The following TNRC6B variants were observed in gnomAD, a reference collection of about 807,000 sequenced individuals.
TNRC6B encodes the protein trinucleotide repeat-containing gene 6B protein.
TNRC6B carries 52 observed loss-of-function variants against 203.6 expected under a neutral mutation model. The ratio of observed to expected loss-of-function variants is 0.26; its 90% CI spans 0.20 to 0.32. The LOEUF (loss-of-function observed/expected upper bound fraction) is 0.32, where lower values mean the gene tolerates loss of function less well. TNRC6B is among the 10% of genes least tolerant of loss of function. The pLI is 1.00. For missense variants in TNRC6B, 1,923 were observed against 2,286.2 expected (o/e 0.84, Z 3.24); for synonymous variants, 838 against 845.7 (o/e 0.99, Z 0.16).
chr22:40,165,257 G>T (rs1182697444), intron 4 of TNRC6B, among the ~76,000 whole-genome samples: 1 of 151,976 alleles, frequency 6.6e-6, no homozygotes, highest in Non-Finnish European at 1.5e-5. Flanking sequence ...GCTTATTGCA[G>T]CCTCCACCTC....
In TNRC6B at chr22:40,263,035, G is replaced by A. The variant is rs201309108; in HGVS notation, c.457+862G>A. Among the ~76,000 whole-genome samples, 12 of 129,404 alleles carry A rather than the reference G, an allele frequency of 9.3e-5. No homozygotes were observed. The East Asian group carries it at 2.6e-3, about 28-fold the overall frequency. The allele number at this position is 129,404 out of a possible 152,430, so 84.9% of individuals were successfully genotyped here. ...AGCCTGGGTGACAGAGCCAGACTCCGTCTTAAAAAAAAAAAAAAAAAAGTT... is the reference window on the plus strand; with the variant it reads ...AGCCTGGGTGACAGAGCCAGACTCCATCTTAAAAAAAAAAAAAAAAAAGTT... On this transcript the variant is annotated intron_variant, in intron 4 of 22. Transcript: ENST00000454349.
At chr22:40,282,826 C>T (rs1221168108) in intron 11 of TNRC6B, among the ~76,000 whole-genome samples, 1 of 151,978 alleles carries the variant, frequency 6.6e-6, no homozygotes, top group Non-Finnish European at 1.5e-5. Flanking sequence ...TTCCAAATCA[C>T]AGATTTTGGT....
chr22:40,049,849 C>G (rs2067730671), intron 1 of TNRC6B, among the ~76,000 whole-genome samples: 1 of 152,130 alleles, frequency 6.6e-6, no homozygotes, highest in African/African-American at 2.4e-5. Context: ...GGTGATCTGC[C>G]CACCTCAGCC....
At chr22:40,318,551 A>G (rs1202978080) in intron 21 of TNRC6B, among the ~76,000 whole-genome samples, 1 of 151,842 alleles carries the variant, frequency 6.6e-6, no homozygotes, top group Non-Finnish European at 1.5e-5. Flanking sequence ...CATCTCAGAG[A>G]AAAAAAAATT....
intron 1 of TNRC6B, among the ~76,000 whole-genome samples, chr22:40,220,095 G>A (rs757231124): frequency 4.6e-5 from 7 of 152,130 alleles, no homozygotes; most frequent in East Asian, 1.9e-4. Flanking sequence ...CTTGAGAATC[G>A]CTGCGGTAGT....
chr22:40,246,111 A>G lies in TNRC6B; in HGVS notation c.93+9A>G. On this transcript the variant is annotated intron_variant, in intron 2 of 22. Transcript: ENST00000454349. ...AAGAAGCCACTCAGAAGGTAGGTTT[A>G]ATCAGTTAAGTCTGTCTTTTTATCT... 1 of 1,543,258 alleles carries G rather than the reference A, an allele frequency of 6.5e-7. No individual in the cohort carries two copies. Among genetic ancestry groups the G allele is most frequent in the Non-Finnish European group, 8.7e-7 (1 of 1,143,202 alleles).
intron 14 of TNRC6B, 38 bp downstream of exon 14, chr22:40,301,043 G>A: frequency 4.4e-6 from 7 of 1,597,752 alleles, no homozygotes; most frequent in Non-Finnish European, 6.0e-6. Flanking sequence ...TGCTGTGTTG[G>A]AGGAGTACAT....
intron 1 of TNRC6B, among the ~76,000 whole-genome samples, chr22:40,224,708 T>C (rs1368276599): frequency 6.6e-6 from 1 of 152,232 alleles, no homozygotes; most frequent in Middle Eastern, 3.2e-3. Flanking sequence ...CTTCCCAGCT[T>C]TCTTCTTTCT....
rs1042576072 is a variant in TNRC6B, at chr22:40,300,395, T to G, written c.3709-60T>G. Reference sequence around the variant, plus strand: ...AGATTCTTTTCACAGAAAAACAGTTTTATTTTGATAAATTCTGAAGATTCC... The same window carrying G: ...AGATTCTTTTCACAGAAAAACAGTTGTATTTTGATAAATTCTGAAGATTCC... On this transcript the variant is annotated intron_variant, in intron 12 of 22. Coordinates refer to ENST00000454349, the MANE Select transcript of TNRC6B (RefSeq NM_001162501.2). The G allele has an allele frequency of 2.5e-5, 36 of 1,442,498 alleles. No homozygotes were observed. In the African/African-American group the frequency reaches 5.1e-4, roughly 20 times the overall value. The allele number at this position is 1,442,498 out of a possible 1,614,324, so 89.4% of individuals were successfully genotyped here.
chr22:40,293,554 G>A (rs949279135), intron 12 of TNRC6B, among the ~76,000 whole-genome samples: 3 of 151,672 alleles, frequency 2.0e-5, no homozygotes, highest in Non-Finnish European at 4.4e-5. Flanking sequence ...GCTGGGTCAC[G>A]GGCAGGTTTT....
At chr22:40,188,685 A>G (rs537162172) in intron 1 of TNRC6B, among the ~76,000 whole-genome samples, 12 of 152,160 alleles carry the variant, frequency 7.9e-5, no homozygotes, top group African/African-American at 2.9e-4. Context: ...AGAAGTTCCC[A>G]TTTATAAACT....
chr22:40,120,335 CA>C (rs11429406), intron 2 of TNRC6B, among the ~76,000 whole-genome samples: 2,795 of 118,126 alleles, frequency 0.024, 14 homozygotes, highest in Non-Finnish European at 0.027. Context: ...GACCCTGTCT[CA>C]AAAAAAAAAA....
intron 1 of TNRC6B, among the ~76,000 whole-genome samples, chr22:40,212,782 G>A (rs2146423583): frequency 6.6e-6 from 1 of 152,206 alleles, no homozygotes; most frequent in East Asian, 1.9e-4. Flanking sequence ...CCGAGTACCT[G>A]GGATTAATAG....
chr22:40,300,888 G>C (rs1385195189), intron 13 of TNRC6B, 22 bp from the exon 14 acceptor site: 1 of 1,609,366 alleles, frequency 6.2e-7, no homozygotes, highest in Non-Finnish European at 8.5e-7. Context: ...TTGGTTTTCT[G>C]TCTTTCCCCC....
intron 15 of TNRC6B, among the ~76,000 whole-genome samples, chr22:40,303,140 C>T (rs2071047417): frequency 6.7e-6 from 1 of 149,752 alleles, no homozygotes; most frequent in African/African-American, 2.5e-5. Flanking sequence ...AGCGATTCTC[C>T]TGCCTCAGCC....
In TNRC6B at chr22:40,315,977, A is replaced by C; in HGVS notation, c.4939A>C (p.Ser1647Arg). 6.2e-7 allele frequency: 1 copy of C among 1,613,800 alleles called. No individual in the cohort carries two copies. The highest frequency in any genetic ancestry group is 8.5e-7 in the Non-Finnish European group (1 of 1,179,830). The change falls in exon 21 of 23, where the codon AGT becomes CGT. Residue 1647 changes from serine (S) to arginine (R), a missense_variant. Transcript: ENST00000454349. ...GAGTGATGGTGGCTCAGTTCGTCCT[A>C]GTTACTGGCTGGTTCTTCACAATCT... ...TWSDGGSVRP[S>R]YWLVLHNLTP...
intron 1 of TNRC6B, among the ~76,000 whole-genome samples, chr22:40,112,640 T>C (rs2068349159): frequency 6.6e-6 from 1 of 152,190 alleles, no homozygotes; most frequent in Admixed American, 6.5e-5. Flanking sequence ...ATTTATTTAT[T>C]TTGTGTTTAT....
intron 2 of TNRC6B, among the ~76,000 whole-genome samples, chr22:40,121,112 A>G (rs1380001579): frequency 6.6e-6 from 1 of 152,162 alleles, no homozygotes. Flanking sequence ...GAGCAGGGAA[A>G]AAAGTTTTCC....
chr22:40,211,464 C>T (rs1357673258), intron 1 of TNRC6B, among the ~76,000 whole-genome samples: 1 of 152,104 alleles, frequency 6.6e-6, no homozygotes, highest in Non-Finnish European at 1.5e-5. Context: ...AGTTCAGGAA[C>T]ACCACCTGTA....
Sources: gnomAD v4.1 joint callset for allele counts (sites outside exome capture counted in the v4.1 genomes callset) on GRCh38, gnomAD v4.1.1 for gene constraint, MANE v1.5 for transcripts, NCBI Gene and HGNC (gene_info 2026-07-23, HGNC 2026-07-21) for gene names.